CCSER1: variants seen among roughly 807,000 people sequenced by gnomAD.
CCSER1 encodes the protein serine-rich coiled-coil domain-containing protein 1.
CCSER1 carries 41 observed loss-of-function variants against 82.0 expected under a neutral mutation model. The observed-to-expected ratio is 0.50, with a 90% confidence interval of 0.39 to 0.65. CCSER1 has a LOEUF of 0.65. Ranked by LOEUF, CCSER1 falls within the 30% of genes least tolerant of loss-of-function variation. The probability of loss-of-function intolerance (pLI) is 0.00; values close to 1 mark genes in which losing one functional copy is unlikely to be tolerated. For missense variants in CCSER1, 1,119 were observed against 1,064.2 expected, an observed-to-expected ratio of 1.05 and a Z score of -0.72; for synonymous variants, 414 against 383.9, an observed-to-expected ratio of 1.08 and a Z score of -0.92.
intron 10 of CCSER1, among the ~76,000 whole-genome samples, chr4:91,170,222 G>C (rs1732610059): frequency 6.6e-6 from 1 of 152,162 alleles, no homozygotes; most frequent in Non-Finnish European, 1.5e-5. Context: ...TATTATGTGT[G>C]ATACCCTGTT....
chr4:90,716,131 A>T (rs181701542), intron 6 of CCSER1, among the ~76,000 whole-genome samples: 2 of 151,768 alleles, frequency 1.3e-5, no homozygotes, highest in Non-Finnish European at 1.5e-5. Context: ...TCTATTTTTA[A>T]CCATATAACA....
At chr4:91,462,231 CCTT>C (rs886418257) in intron 10 of CCSER1, among the ~76,000 whole-genome samples, 7 of 152,110 alleles carry the variant, frequency 4.6e-5, no homozygotes, top group South Asian at 4.2e-4. Flanking sequence ...ATAATTTCCT[CCTT>C]ATCATACAGT....
chr4:90,912,141 C>G (rs1241656967), intron 8 of CCSER1, among the ~76,000 whole-genome samples: 1 of 152,176 alleles, frequency 6.6e-6, no homozygotes, highest in Non-Finnish European at 1.5e-5. Flanking sequence ...GTGTTTCTTC[C>G]AGCACGGAGC....
chr4:91,335,719 C>G (rs1747273452), intron 10 of CCSER1, among the ~76,000 whole-genome samples: 1 of 151,986 alleles, frequency 6.6e-6, no homozygotes, highest in Admixed American at 6.6e-5. Context: ...GAAGATACAG[C>G]ATTGGGGCAG....
chr4:90,952,169 G>T (rs1401989712), intron 9 of CCSER1, among the ~76,000 whole-genome samples: 1 of 151,920 alleles, frequency 6.6e-6, no homozygotes, highest in African/African-American at 2.4e-5. Context: ...TTTATTAGAA[G>T]GGAGCAAAGC....
chr4:91,165,840 G>T (rs1383813377), intron 10 of CCSER1, among the ~76,000 whole-genome samples: 2 of 152,170 alleles, frequency 1.3e-5, no homozygotes, highest in Non-Finnish European at 2.9e-5. Flanking sequence ...ATCTGTCATG[G>T]CTTCCCTTGG....
chr4:91,031,590 G>A (rs1022686275), intron 9 of CCSER1, among the ~76,000 whole-genome samples: 3 of 152,014 alleles, frequency 2.0e-5, no homozygotes, highest in Admixed American at 6.6e-5. Context: ...ACTTTGGTTT[G>A]ACTATATTTT....
intron 8 of CCSER1, among the ~76,000 whole-genome samples, chr4:90,818,285 T>C (rs1192863159): frequency 6.6e-6 from 1 of 151,422 alleles, no homozygotes; most frequent in East Asian, 1.9e-4. Context: ...TTTTCTTTTT[T>C]TTTTTTTTTA....
chr4:90,362,052 A>G (rs546280521), intron 3 of CCSER1, among the ~76,000 whole-genome samples: 6 of 152,312 alleles, frequency 3.9e-5, no homozygotes, highest in East Asian at 1.9e-4. Flanking sequence ...CAAGCTCAGG[A>G]TTCTTCTCTT....
chr4:91,316,406 A>G (rs1745841184), intron 10 of CCSER1, among the ~76,000 whole-genome samples: 1 of 152,026 alleles, frequency 6.6e-6, no homozygotes, highest in Admixed American at 6.6e-5. Flanking sequence ...CGAAGATTGT[A>G]GAACTGTATA....
chr4:90,328,949 T>G (rs560612892), intron 3 of CCSER1, among the ~76,000 whole-genome samples: 102 of 152,356 alleles, frequency 6.7e-4, no homozygotes, highest in African/African-American at 2.3e-3. Context: ...TGTACTAAAT[T>G]AGTGAACACA....
chr4:90,223,024 C>T (rs1742448405), intron 1 of CCSER1, among the ~76,000 whole-genome samples: 1 of 152,146 alleles, frequency 6.6e-6, no homozygotes, highest in Middle Eastern at 3.2e-3. Flanking sequence ...TAGGTTCACG[C>T]ATCCATCACC....
At chr4:91,032,381 T>A (rs1456879610) in intron 9 of CCSER1, among the ~76,000 whole-genome samples, 1 of 152,126 alleles carries the variant, frequency 6.6e-6, no homozygotes, top group African/African-American at 2.4e-5. Flanking sequence ...ATTCTAGTAG[T>A]CTAGGAAAAC....
At position 90,246,146 on chromosome 4, in the gene CCSER1, G is replaced by A. The variant is rs79345464; in HGVS notation, c.-41-62098G>A. Among the ~76,000 whole-genome samples the A allele has an allele frequency of 6.8e-3, 1,035 of 152,122 alleles. 8 individuals carry two copies. Among genetic ancestry groups the A allele is most frequent in the African/African-American group, 0.024 (1,002 of 41,516 alleles). On this transcript the variant is annotated intron_variant, in intron 1 of 10. Transcript: ENST00000509176. ...TTTATTAAGCATCTGCAATTTTATA[G>A]TTACATTTCACACATTACCATTTTG...
intron 3 of CCSER1, among the ~76,000 whole-genome samples, chr4:90,376,158 A>G (rs1748274642): frequency 6.6e-6 from 1 of 152,234 alleles, no homozygotes; most frequent in South Asian, 2.1e-4. Flanking sequence ...TATAATCTTC[A>G]GATGACTGCA....
intron 1 of CCSER1, among the ~76,000 whole-genome samples, chr4:90,208,071 G>A (rs954119215): frequency 6.6e-6 from 1 of 152,206 alleles, no homozygotes; most frequent in African/African-American, 2.4e-5. Context: ...AGGCAGGAAC[G>A]TTTAAGTCTG....
intron 8 of CCSER1, among the ~76,000 whole-genome samples, chr4:90,906,138 C>G (rs184645755): frequency 6.6e-6 from 1 of 152,108 alleles, no homozygotes; most frequent in African/African-American, 2.4e-5. Flanking sequence ...TGAGTAATTC[C>G]TCTAGTCACG....
At chr4:90,146,153 G>A (rs1483745869) in intron 1 of CCSER1, among the ~76,000 whole-genome samples, 2 of 152,056 alleles carry the variant, frequency 1.3e-5, no homozygotes, top group African/African-American at 4.8e-5. Context: ...CTCTTTTGAT[G>A]TGTGATTCTG....
intron 7 of CCSER1, among the ~76,000 whole-genome samples, chr4:90,792,933 A>T (rs1320263774): frequency 6.6e-6 from 1 of 152,176 alleles, no homozygotes; most frequent in African/African-American, 2.4e-5. Flanking sequence ...TGAGAGCCTG[A>T]TAAGGGAAGT....
Sources: gnomAD v4.1 joint callset for allele counts (sites outside exome capture counted in the v4.1 genomes callset) on GRCh38, gnomAD v4.1.1 for gene constraint, MANE v1.5 for transcripts, NCBI Gene and HGNC (gene_info 2026-07-23, HGNC 2026-07-21) for gene names.